Variants in C10orf105 observed in about 807,000 individuals in gnomAD.
C10orf105 encodes chromosome 10 open reading frame 105, also known as uncharacterized protein C10orf105.
C10orf105 carries 2 observed loss-of-function variants against 0.6 expected under a neutral mutation model. That is an observed-to-expected ratio of 3.18 (90% CI 1.30 to 10.01). The LOEUF is 10.01. Ranked by LOEUF, C10orf105 falls within the 30% of genes most tolerant of loss-of-function variation. C10orf105 has a pLI of 0.04. For missense variants in C10orf105, 209 were observed against 191.4 expected, an observed-to-expected ratio of 1.09 and a Z score of -0.54; for synonymous variants, 95 against 82.4, an observed-to-expected ratio of 1.15 and a Z score of -0.83.
upstream of C10orf105, chr10:71,724,050 A>G (rs1216068719): frequency 1.3e-6 from 2 of 1,559,258 alleles, no homozygotes; most frequent in South Asian, 1.2e-5. Flanking sequence ...CTCAGCTGAA[A>G]GCCACGGACG....
rs370094327 is a variant in C10orf105 at position 71,732,165 on chromosome 10, C to A, written c.-6+5563G>T. On this transcript the variant is annotated intron_variant, in intron 1 of 1. Coordinates refer to the C10orf105 transcript ENST00000398786. ...CGCCCTTCAACCAGGGCTTCTGCAG[C>A]GTCTACATCACTCTGCTCAACGAGC... 1 of 1,614,000 alleles carries A rather than the reference C, an allele frequency of 6.2e-7. No homozygotes were observed. Among genetic ancestry groups the A allele is most frequent in the Admixed American group, 1.7e-5 (1 of 60,024 alleles).
Position 71,713,451 on chromosome 10 carries a change from C to CT in C10orf105, c.*2484dup. On this transcript the variant is annotated 3_prime_UTR_variant, in exon 2 of 2. Coordinates refer to ENST00000441508, the MANE Select transcript of C10orf105 (RefSeq NM_001164375.3). ...TCGGAGGCTGAGCCAAACAGGGAAT[C>CT]TGGGCCTGCCCACTGGGGCAGGCTC... 5.1e-6 allele frequency: 3 copies of CT among 593,310 alleles called. No individual in the cohort carries two copies. The highest frequency in any genetic ancestry group is 9.0e-6 in the Non-Finnish European group (3 of 333,222). 36.8% of individuals were successfully genotyped at this position (593,310 alleles called of 1,614,324 possible).
chr10:71,718,575 G>A (rs1054820192), intron 1 of C10orf105, among the ~76,000 whole-genome samples: 5 of 152,242 alleles, frequency 3.3e-5, no homozygotes, highest in East Asian at 1.9e-4. Flanking sequence ...GCTCATTCCC[G>A]TGGGGAGAAA....
intron 1 of C10orf105, among the ~76,000 whole-genome samples, chr10:71,730,755 G>A (rs1409302721): frequency 6.6e-6 from 1 of 152,210 alleles, no homozygotes; most frequent in African/African-American, 2.4e-5. Flanking sequence ...GGATGGTCTT[G>A]ATCACTTCCC....
upstream of C10orf105, among the ~76,000 whole-genome samples, chr10:71,720,975 A>G (rs1866531033): frequency 6.6e-6 from 1 of 152,174 alleles, no homozygotes; most frequent in Non-Finnish European, 1.5e-5. Context: ...CAGAGTCCCC[A>G]TTGGGATTCC....
At position 71,716,151 on chromosome 10, in the gene C10orf105, C is replaced by A; in HGVS notation, c.187G>T (p.Ala63Ser). The change falls in exon 2 of 2, where the codon GCG becomes TCG. Residue 63 changes from alanine (A) to serine (S), a missense_variant. By Grantham distance (99) the Ala-to-Ser change is moderately conservative (BLOSUM62 1). Coordinates refer to ENST00000441508, the MANE Select transcript of C10orf105 (RefSeq NM_001164375.3). Reference protein sequence around the residue: ...LLFMTLCKPAALDPSRRRAHE... With the variant: ...LLFMTLCKPASLDPSRRRAHE... ...GCCCTGCGGCGGCTCGGGTCCAGCG[C>A]GGCCGGCTTGCAGAGCGTCATGAAC... 1 of 1,550,446 alleles carries A rather than the reference C, an allele frequency of 6.4e-7. No homozygotes were observed. Among genetic ancestry groups the A allele is most frequent in the Non-Finnish European group, 8.7e-7 (1 of 1,146,686 alleles).
chr10:71,713,238 G>A lies in C10orf105; in HGVS notation c.*2698C>T, dbSNP rs778364737. 1 of 779,242 alleles carries A rather than the reference G, an allele frequency of 1.3e-6. No homozygotes were observed. The highest frequency in any genetic ancestry group is 1.3e-5 in the South Asian group (1 of 74,516). The allele number at this position is 779,242 out of a possible 1,614,324, so 48.3% of individuals were successfully genotyped here. On this transcript the variant is annotated 3_prime_UTR_variant, in exon 2 of 2. Transcript: ENST00000441508. ...GGCTCCCCTCTTGGGAAGTAAACAGGCACAAGAAGAAAGGGCTCCTTTGCC... is the reference window on the plus strand; with the variant it reads ...GGCTCCCCTCTTGGGAAGTAAACAGACACAAGAAGAAAGGGCTCCTTTGCC...
At chr10:71,730,787 G>A (rs1839350673) in intron 1 of C10orf105, among the ~76,000 whole-genome samples, 1 of 152,246 alleles carries the variant, frequency 6.6e-6, no homozygotes, top group South Asian at 2.1e-4. Context: ...CAGCCTGAGA[G>A]GGTTGGAATC....
intron 1 of C10orf105, chr10:71,730,393 G>A (rs1364817005): frequency 1.9e-6 from 3 of 1,553,504 alleles, no homozygotes; most frequent in Non-Finnish European, 2.6e-6. Context: ...ACACAAGGCG[G>A]CCACAGTGGG....
chr10:71,722,358 T>A (rs1199792999), upstream of C10orf105, among the ~76,000 whole-genome samples: 1 of 151,984 alleles, frequency 6.6e-6, no homozygotes, highest in East Asian at 1.9e-4. Flanking sequence ...AAAGGAAAAA[T>A]CAAACAGGGA....
chr10:71,715,867 C>T lies in C10orf105; in HGVS notation c.*69G>A, dbSNP rs1333069926. Reference sequence around the variant, plus strand: ...ACTGTCTTCCTGCAGCCTGCAGCACCGGTCTCTGAAGCAGGAGGATCTACA... The same window carrying T: ...ACTGTCTTCCTGCAGCCTGCAGCACTGGTCTCTGAAGCAGGAGGATCTACA... On this transcript the variant is annotated 3_prime_UTR_variant, in exon 2 of 2. Transcript: ENST00000441508. 6 of 1,386,422 alleles carry T rather than the reference C, an allele frequency of 4.3e-6. No homozygotes were observed. Among genetic ancestry groups the T allele is most frequent in the East Asian group, 2.7e-5 (1 of 36,826 alleles). 85.9% of individuals were successfully genotyped at this position (1,386,422 alleles called of 1,614,324 possible).
At chr10:71,724,361 C>T (rs1008499749), upstream of C10orf105, among the ~76,000 whole-genome samples, 4 of 152,178 alleles carry the variant, frequency 2.6e-5, no homozygotes, top group African/African-American at 4.8e-5. Flanking sequence ...GGCGTGATCT[C>T]GGCCTACTGC....
intron 1 of C10orf105, chr10:71,732,602 C>A: frequency 7.2e-7 from 1 of 1,385,818 alleles, no homozygotes; most frequent in Non-Finnish European, 9.4e-7. Flanking sequence ...CACTGCACTC[C>A]AGCCCGGGCA....
upstream of C10orf105, chr10:71,723,955 T>G (rs1197630779): frequency 1.6e-5 from 23 of 1,422,610 alleles, no homozygotes; most frequent in Non-Finnish European, 2.2e-5. Context: ...TGGGGTAGGA[T>G]GCGTGAAGGG....
At chr10:71,737,610 G>A (rs1356250921) in intron 1 of C10orf105, 2 of 453,806 alleles carry the variant, frequency 4.4e-6, no homozygotes, top group East Asian at 7.0e-5. Flanking sequence ...CACATGCAGG[G>A]AAGCAGAGAA....
chr10:71,713,378 G>A lies in C10orf105; in HGVS notation c.*2558C>T, dbSNP rs1866070170. On this transcript the variant is annotated 3_prime_UTR_variant, in exon 2 of 2. Transcript: ENST00000441508. Reference sequence around the variant, plus strand: ...GAGGCCTCAGTTGCTGGGTGGGGAGGGAGGCCCGGAGTGAATGAGTCTCTT... The same window carrying A: ...GAGGCCTCAGTTGCTGGGTGGGGAGAGAGGCCCGGAGTGAATGAGTCTCTT... 5 of 722,670 alleles carry A rather than the reference G, an allele frequency of 6.9e-6. No individual in the cohort carries two copies. The South Asian group carries it at 7.4e-5, about 11-fold the overall frequency. The allele number at this position is 722,670 out of a possible 1,614,324, so 44.8% of individuals were successfully genotyped here. A position where few individuals can be genotyped will look rare whatever the true frequency, so the allele number is the denominator to read the frequency against.
Position 71,715,663 on chromosome 10 carries a change from G to C in C10orf105, c.*273C>G, listed in dbSNP as rs1866182607. 3.1e-6 allele frequency: 1 copy of C among 321,356 alleles called. No individual in the cohort carries two copies. The highest frequency in any genetic ancestry group is 5.7e-6 in the Non-Finnish European group (1 of 175,444). 19.9% of individuals were successfully genotyped at this position (321,356 alleles called of 1,614,324 possible). Reference sequence around the variant, plus strand: ...CAGGTTGTACCCTGTGGAGCCTCAGGCCAAAGGCCCAGATGACCACGAGTG... The same window carrying C: ...CAGGTTGTACCCTGTGGAGCCTCAGCCCAAAGGCCCAGATGACCACGAGTG... On this transcript the variant is annotated 3_prime_UTR_variant, in exon 2 of 2. Coordinates refer to ENST00000441508, the MANE Select transcript of C10orf105 (RefSeq NM_001164375.3).
At chr10:71,728,117 G>A (rs923272364) in intron 1 of C10orf105, among the ~76,000 whole-genome samples, 3 of 152,224 alleles carry the variant, frequency 2.0e-5, no homozygotes, top group Middle Eastern at 3.4e-3. Context: ...AGGGTAAGGC[G>A]CACAGTTTTG....
chr10:71,724,005 G>A (rs756446033), upstream of C10orf105: 2 of 1,550,296 alleles, frequency 1.3e-6, no homozygotes, highest in South Asian at 2.4e-5. Context: ...TCCCTGCTGG[G>A]TGGCATTCAA....
Sources: allele counts gnomAD v4.1 joint callset (sites outside exome capture counted in the v4.1 genomes callset), GRCh38; gene constraint gnomAD v4.1.1; transcripts MANE v1.5; gene names NCBI Gene and HGNC (gene_info 2026-07-23, HGNC 2026-07-21).